Variants in ANK3 observed in about 807,000 individuals in gnomAD.
ANK3 encodes the protein ankyrin-3.
ANK3 carries 57 observed loss-of-function variants against 370.9 expected under a neutral mutation model. The observed-to-expected ratio is 0.15, with a 90% CI of 0.12 to 0.19. ANK3 has a LOEUF of 0.19. Ranked by LOEUF, ANK3 falls within the 10% of genes least tolerant of loss-of-function variation. The pLI is 1.00. For missense variants in ANK3, 4,439 were observed against 5,302.1 expected, an observed-to-expected ratio of 0.84 and a Z score of 5.06; for synonymous variants, 1,929 against 1,946.3, an observed-to-expected ratio of 0.99 and a Z score of 0.23.
intron 8 of ANK3, among the ~76,000 whole-genome samples, chr10:60,221,084 C>CTTT (rs34771679): frequency 1.3e-4 from 18 of 142,192 alleles, no homozygotes; most frequent in South Asian, 4.4e-4. Context: ...TTGATTTTGC[C>CTTT]TTTTTTTTTT....
chr10:60,665,302 G>A (rs2078982613), intron 1 of ANK3, among the ~76,000 whole-genome samples: 1 of 152,168 alleles, frequency 6.6e-6, no homozygotes, highest in African/African-American at 2.4e-5. Context: ...AATAGAACAA[G>A]AGACCAAAAA....
At chr10:60,403,782 C>T (rs1009207053) in intron 2 of ANK3, among the ~76,000 whole-genome samples, 1 of 152,030 alleles carries the variant, frequency 6.6e-6, no homozygotes. Flanking sequence ...AAGAGAGCCA[C>T]AAGATTGGAG....
At chr10:60,559,853 G>A (rs1429183888) in intron 2 of ANK3, among the ~76,000 whole-genome samples, 1 of 152,080 alleles carries the variant, frequency 6.6e-6, no homozygotes, top group Non-Finnish European at 1.5e-5. Flanking sequence ...TGTTAGCCTG[G>A]CCAACATGGT....
At position 60,335,075 on chromosome 10, in the gene ANK3, A is replaced by ATG. The variant is rs1342050977; in HGVS notation, c.114+54348_114+54349dup. On this transcript the variant is annotated intron_variant, in intron 1 of 43. Coordinates refer to ENST00000280772, the MANE Select transcript of ANK3 (RefSeq NM_020987.5). ...TTTCAACTTACACCATGTTGAGAAAATGGATTTTAAGAAAAATGTGCATGC... is the reference window on the plus strand; with the variant it reads ...TTTCAACTTACACCATGTTGAGAAAATGTGGATTTTAAGAAAAATGTGCATGC... 3.3e-5 allele frequency among the ~76,000 whole-genome samples: 5 copies of ATG among 152,146 alleles called. No homozygotes were observed. The East Asian group carries it at 9.6e-4, about 29-fold the overall frequency.
rs1294133045 is a variant in ANK3, at chr10:60,301,646, A to G, written c.115-22007T>C. The stretch of plus-strand genomic sequence containing the variant: ...TGGCCAGGCTGGTCTCAAACTTCTG[A>G]GCTCAAATGATCTGCCCACCTCAGT... On this transcript the variant is annotated intron_variant, in intron 1 of 43. Transcript: ENST00000280772. Among the ~76,000 whole-genome samples, 7 of 152,106 alleles carry G rather than the reference A, an allele frequency of 4.6e-5. 1 individual carries two copies. In the East Asian group the frequency reaches 1.2e-3, roughly 25 times the overall value.
intron 1 of ANK3, among the ~76,000 whole-genome samples, chr10:60,675,797 G>A (rs2079116994): frequency 6.6e-6 from 1 of 152,062 alleles, no homozygotes; most frequent in African/African-American, 2.4e-5. Context: ...GATTTCAAAT[G>A]GACTCCAGTC....
At chr10:60,502,006 G>C (rs369626055) in intron 2 of ANK3, among the ~76,000 whole-genome samples, 1 of 151,736 alleles carries the variant, frequency 6.6e-6, no homozygotes, top group Non-Finnish European at 1.5e-5. Flanking sequence ...GGAAAAAAGA[G>C]GATACATTTT....
chr10:60,086,961 G>C (rs1349767071), intron 29 of ANK3, 77 bp from the exon 30 acceptor site: 7 of 712,030 alleles, frequency 9.8e-6, no homozygotes, highest in Non-Finnish European at 9.2e-6. Flanking sequence ...TACTTTTTAA[G>C]TGAGAAGGAA....
intron 24 of ANK3, among the ~76,000 whole-genome samples, chr10:60,135,733 AT>A (rs2094311527): frequency 6.6e-6 from 1 of 152,236 alleles, no homozygotes; most frequent in African/African-American, 2.4e-5. Context: ...GATTCTTTGC[AT>A]GAAACAATTT....
chr10:60,443,768 C>T lies in ANK3; in HGVS notation c.97-164129G>A, dbSNP rs190115900. Among the ~76,000 whole-genome samples the T allele has an allele frequency of 8.5e-5, 13 of 152,246 alleles. No individual in the cohort carries two copies. In the South Asian group the frequency reaches 2.5e-3, roughly 29 times the overall value. ...GGCTAAATATATCACAAAAGCCCTGCTTAGTTCAAGCTTCTTCCTACTCTT... is the reference window on the plus strand; with the variant it reads ...GGCTAAATATATCACAAAAGCCCTGTTTAGTTCAAGCTTCTTCCTACTCTT... On this transcript the variant is annotated intron_variant, in intron 2 of 43. Transcript: ENST00000373827.
chr10:60,589,823 C>T (rs1372174988), intron 2 of ANK3, among the ~76,000 whole-genome samples: 1 of 152,172 alleles, frequency 6.6e-6, no homozygotes, highest in East Asian at 1.9e-4. Flanking sequence ...TGTACTATTT[C>T]AACAAACTTC....
intron 2 of ANK3, among the ~76,000 whole-genome samples, chr10:60,415,233 A>G (rs1043836746): frequency 1.3e-5 from 2 of 152,150 alleles, no homozygotes; most frequent in East Asian, 1.9e-4. Context: ...AATCCTGCCT[A>G]CAAGGACTTG....
chr10:60,685,118 C>G (rs2079250459), intron 1 of ANK3: 5 of 959,578 alleles, frequency 5.2e-6, no homozygotes, highest in Non-Finnish European at 7.6e-6. Context: ...GAGGTTTTCT[C>G]TGGTCTGATT....
intron 8 of ANK3, among the ~76,000 whole-genome samples, chr10:60,233,848 C>T (rs1268760438): frequency 6.6e-6 from 1 of 152,204 alleles, no homozygotes; most frequent in Non-Finnish European, 1.5e-5. Flanking sequence ...TGTAACAGAT[C>T]TCTAGAACTT....
rs777119093 is a variant in ANK3, at chr10:60,074,564, T to C, written c.6317A>G (p.Asp2106Gly). 6.2e-7 allele frequency: 1 copy of C among 1,614,116 alleles called. No individual in the cohort carries two copies. The highest frequency in any genetic ancestry group is 8.5e-7 in the Non-Finnish European group (1 of 1,179,988). The change falls in exon 37 of 44, where the codon GAT becomes GGT. Residue 2106 changes from aspartate (D) to glycine (G), a missense_variant. By Grantham distance (94) the Asp-to-Gly change is moderately conservative. Coordinates refer to ENST00000280772, the MANE Select transcript of ANK3 (RefSeq NM_020987.5). ...GTCATCAGGAGACTCTAAAATAGTA[T>C]CTGTTCCAAAAAAGGAATCAGCCAT... ...CKMADSFFGT[D>G]TILESPDDFS...
Position 60,643,500 on chromosome 10 carries a change from A to ATATCTACCTATCTATCTATC in ANK3, c.58-28277_58-28276insGATAGATAGATAGGTAGATA, listed in dbSNP as rs370999914. Among the ~76,000 whole-genome samples the ATATCTACCTATCTATCTATC allele has an allele frequency of 3.3e-3, 483 of 146,812 alleles. 3 individuals carry two copies. The highest frequency in any genetic ancestry group is 4.7e-3 in the Non-Finnish European group (314 of 66,658). On this transcript the variant is annotated intron_variant, in intron 1 of 43. Coordinates refer to the ANK3 transcript ENST00000373827. ...GTTAATACTTAATAAACTCCCCTTT[A>ATATCTACCTATCTATCTATC]TATCTATCTATCTATCTATCTATCT...
intron 1 of ANK3, among the ~76,000 whole-genome samples, chr10:60,629,748 A>G (rs1051120859): frequency 1.3e-5 from 2 of 152,166 alleles, no homozygotes; most frequent in Admixed American, 1.3e-4. Context: ...ATCTTTTATA[A>G]AAAAAGAATG....
intron 2 of ANK3, among the ~76,000 whole-genome samples, chr10:60,472,210 C>G (rs1472108267): frequency 2.6e-5 from 4 of 152,304 alleles, no homozygotes; most frequent in Middle Eastern, 3.4e-3. Flanking sequence ...TTAAGCACCA[C>G]TGCAATCCTC....
At chr10:60,633,146 T>C (rs1194750281) in intron 1 of ANK3, among the ~76,000 whole-genome samples, 2 of 152,200 alleles carry the variant, frequency 1.3e-5, no homozygotes, top group African/African-American at 2.4e-5. Flanking sequence ...AATTCTGAAA[T>C]GCAATTTCCA....
Sources: gnomAD v4.1 joint callset for allele counts (sites outside exome capture counted in the v4.1 genomes callset) on GRCh38, gnomAD v4.1.1 for gene constraint, MANE v1.5 for transcripts, NCBI Gene and HGNC (gene_info 2026-07-23, HGNC 2026-07-21) for gene names.